The following PHACTR1 variants were observed in gnomAD, a reference collection of about 807,000 sequenced individuals.
PHACTR1 encodes RPEL repeat containing 1.
In PHACTR1, 16 loss-of-function variants were observed where a neutral mutation model predicts 69.2. That is an observed-to-expected ratio of 0.23 (90% CI 0.16 to 0.35). PHACTR1 has a LOEUF of 0.35. Ranked by LOEUF, PHACTR1 falls within the 10% of genes least tolerant of loss-of-function variation. The pLI, the probability that PHACTR1 is intolerant of heterozygous loss-of-function variation, is 1.00. For missense variants in PHACTR1, 510 were observed against 734.7 expected, an observed-to-expected ratio of 0.69 and a Z score of 3.54; for synonymous variants, 312 against 284.5, an observed-to-expected ratio of 1.10 and a Z score of -0.97.
intron 4 of PHACTR1, among the ~76,000 whole-genome samples, chr6:12,888,445 A>G (rs1449621787): frequency 6.6e-6 from 1 of 152,236 alleles, no homozygotes; most frequent in East Asian, 1.9e-4. Context: ...AGACTAAGAC[A>G]TGTATCATTT....
At chr6:13,188,011 T>C (rs9463532) in intron 7 of PHACTR1, among the ~76,000 whole-genome samples, 7,486 of 152,272 alleles carry the variant, frequency 0.049, 614 homozygotes, top group African/African-American at 0.17. Flanking sequence ...CAGGGTTCTT[T>C]ACATATGAGA....
At chr6:12,984,017 G>A (rs972840239) in intron 4 of PHACTR1, among the ~76,000 whole-genome samples, 1 of 152,212 alleles carries the variant, frequency 6.6e-6, no homozygotes, top group Non-Finnish European at 1.5e-5. Flanking sequence ...ACATGTGCAT[G>A]TGTCTTTATA....
At chr6:13,164,659 C>T (rs976741503) in intron 6 of PHACTR1, among the ~76,000 whole-genome samples, 33 of 152,146 alleles carry the variant, frequency 2.2e-4, no homozygotes, top group African/African-American at 8.0e-4. Context: ...TTGATTTTGC[C>T]TGATAATGCC....
chr6:12,740,448 C>T (rs1347079181), intron 3 of PHACTR1, among the ~76,000 whole-genome samples: 1 of 152,204 alleles, frequency 6.6e-6, no homozygotes, highest in East Asian at 1.9e-4. Flanking sequence ...CAGATTATAG[C>T]CTCATTGAGG....
rs144652575 is a variant in PHACTR1, at chr6:13,228,059, C to T, written c.1230C>T (p.Tyr410=). The change falls in exon 9 of 15, where the codon TAC becomes TAT. Residue 410 remains tyrosine, a synonymous_variant. Coordinates refer to ENST00000332995, the MANE Select transcript of PHACTR1 (RefSeq NM_030948.6). ...EEDEDDDSSL[Y]TSSLAMKVCR... is the part of the protein sequence containing the mutation. ...ACGAAGACGACGACAGCTCATTATA[C>T]ACCAGTGCGTTCATCTTAACTCATC... The T allele has an allele frequency of 1.7e-4, 267 of 1,610,438 alleles. 2 individuals carry two copies. In the East Asian group the frequency reaches 5.9e-3, roughly 35 times the overall value.
At chr6:13,030,437 ATTAC>A (rs1802296315) in intron 4 of PHACTR1, among the ~76,000 whole-genome samples, 1 of 152,240 alleles carries the variant, frequency 6.6e-6, no homozygotes, top group Non-Finnish European at 1.5e-5. Context: ...ACATAAAAAA[ATTAC>A]TTAGAAGTCT....
chr6:12,910,751 C>G (rs543311938), intron 4 of PHACTR1, among the ~76,000 whole-genome samples: 270 of 152,276 alleles, frequency 1.8e-3, no homozygotes, highest in African/African-American at 6.0e-3. Flanking sequence ...TGGGCATTTT[C>G]CCATTTTGCA....
At chr6:12,788,932 G>T (rs1346971681) in intron 4 of PHACTR1, among the ~76,000 whole-genome samples, 1 of 152,220 alleles carries the variant, frequency 6.6e-6, no homozygotes, top group Non-Finnish European at 1.5e-5. Context: ...TTGAAAGGAA[G>T]GTAGGAGCTG....
At chr6:13,250,882 G>T (rs1774294685) in intron 10 of PHACTR1, among the ~76,000 whole-genome samples, 1 of 152,224 alleles carries the variant, frequency 6.6e-6, no homozygotes, top group African/African-American at 2.4e-5. Context: ...GATGTGGCAA[G>T]AGCTCTGGCA....
At chr6:12,785,969 T>C (rs1334526560) in intron 4 of PHACTR1, among the ~76,000 whole-genome samples, 1 of 152,190 alleles carries the variant, frequency 6.6e-6, no homozygotes, top group Non-Finnish European at 1.5e-5. Flanking sequence ...TTTCAACGGT[T>C]ATATTGTGCT....
chr6:12,945,970 A>C (rs1790626507), intron 4 of PHACTR1, among the ~76,000 whole-genome samples: 2 of 127,058 alleles, frequency 1.6e-5, no homozygotes, highest in Non-Finnish European at 1.5e-5. Flanking sequence ...CTCAAAAATA[A>C]ATAAATAAAT....
rs546255726 is a variant in PHACTR1, at chr6:12,997,026, G to A, written c.251-56339G>A. ...ACCAAAAGCACAAAATTAGCCACGC[G>A]TGTTGGCGCATGCCTGTAATCCCAG... On this transcript the variant is annotated intron_variant, in intron 4 of 14. Transcript: ENST00000332995. Among the ~76,000 whole-genome samples the A allele has an allele frequency of 6.6e-5, 10 of 152,044 alleles. No individual in the cohort carries two copies. In the East Asian group the frequency reaches 1.5e-3, roughly 23 times the overall value.
At chr6:12,891,455 T>C (rs751080560) in intron 4 of PHACTR1, among the ~76,000 whole-genome samples, 1 of 152,224 alleles carries the variant, frequency 6.6e-6, no homozygotes, top group Non-Finnish European at 1.5e-5. Flanking sequence ...GATTGAGACA[T>C]GTTTGCATTT....
chr6:13,204,707 G>C (rs570316522), intron 7 of PHACTR1, among the ~76,000 whole-genome samples: 2 of 152,322 alleles, frequency 1.3e-5, no homozygotes, highest in East Asian at 3.9e-4. Flanking sequence ...GGGCCCACCA[G>C]TCCAGCAGTC....
chr6:13,131,192 CATATATATAT>C (rs56106825), intron 5 of PHACTR1, among the ~76,000 whole-genome samples: 4 of 133,606 alleles, frequency 3.0e-5, no homozygotes, highest in African/African-American at 1.2e-4. Context: ...CACACACACA[CATATATATAT>C]ACACATACAC....
intron 5 of PHACTR1, among the ~76,000 whole-genome samples, chr6:13,125,131 G>C (rs767776423): frequency 5.3e-5 from 8 of 152,230 alleles, no homozygotes; most frequent in Non-Finnish European, 1.2e-4. Flanking sequence ...CGGCTGGGAA[G>C]CAGGTGAATT....
chr6:12,743,242 A>C (rs1279118017), intron 3 of PHACTR1, among the ~76,000 whole-genome samples: 1 of 152,060 alleles, frequency 6.6e-6, no homozygotes, highest in East Asian at 1.9e-4. Flanking sequence ...AGAATCTAAT[A>C]ACAGGTGAAC....
intron 4 of PHACTR1, among the ~76,000 whole-genome samples, chr6:13,037,430 G>A (rs1803475038): frequency 6.6e-6 from 1 of 152,136 alleles, no homozygotes; most frequent in Non-Finnish European, 1.5e-5. Context: ...CTAAGTGTTG[G>A]AGCACAGTCT....
chr6:12,926,890 C>CCTT (rs148440064), intron 4 of PHACTR1, among the ~76,000 whole-genome samples: 7,515 of 152,278 alleles, frequency 0.049, 600 homozygotes, highest in African/African-American at 0.17. Flanking sequence ...TCCTGCCTGG[C>CCTT]CTCATCTTTG....
Sources: gnomAD v4.1 joint callset for allele counts (sites outside exome capture counted in the v4.1 genomes callset) on GRCh38, gnomAD v4.1.1 for gene constraint, MANE v1.5 for transcripts, NCBI Gene and HGNC (gene_info 2026-07-23, HGNC 2026-07-21) for gene names.